Variants in AGTPBP1 observed in about 807,000 individuals in gnomAD.
The protein encoded by AGTPBP1 is cytosolic carboxypeptidase 1.
A neutral mutation model predicts 143.9 loss-of-function variants in AGTPBP1; 70 were observed. The observed-to-expected ratio is 0.49, with a 90% CI of 0.40 to 0.59. The LOEUF (loss-of-function observed/expected upper bound fraction) is 0.59, where lower values mean the gene tolerates loss of function less well. AGTPBP1 is among the 20% of genes least tolerant of loss of function. AGTPBP1 has a pLI of 0.00. For synonymous variants in AGTPBP1, 463 were observed against 500.2 expected (o/e 0.93, Z 0.99); for missense variants, 1,229 against 1,464.5 (o/e 0.84, Z 2.62).
chr9:85,677,733 T>G (rs1384429785), intron 5 of AGTPBP1, 151 bp from the exon 6 acceptor site: 1 of 672,542 alleles, frequency 1.5e-6, no homozygotes, highest in Non-Finnish European at 2.3e-6. Context: ...CTGGGCGCAG[T>G]AGCTCACGCC....
At chr9:85,559,278 T>C (rs1826544952) in intron 25 of AGTPBP1, among the ~76,000 whole-genome samples, 1 of 152,112 alleles carries the variant, frequency 6.6e-6, no homozygotes, top group Non-Finnish European at 1.5e-5. Flanking sequence ...TGACTTTTGT[T>C]TGGCAATTAC....
rs1554733099 is a variant in AGTPBP1, at chr9:85,710,699, C to CAACA, written c.32+1802_32+1803insTGTT. On this transcript the variant is annotated intron_variant, in intron 2 of 25. Transcript: ENST00000357081. ...CCTACAACAACAACAACAACAACAACAAAAAAAACAAATATCCAATAAAAT... is the reference window on the plus strand; with the variant it reads ...CCTACAACAACAACAACAACAACAACAACAAAAAAAAACAAATATCCAATAAAAT... Among the ~76,000 whole-genome samples the CAACA allele has an allele frequency of 3.9e-3, 577 of 146,606 alleles. 6 individuals are homozygous for CAACA. The highest frequency in any genetic ancestry group is 0.014 in the African/African-American group (551 of 40,678).
In AGTPBP1 at chr9:85,647,264, C is replaced by G. The variant is rs199768501; in HGVS notation, c.1088-846G>C. The stretch of plus-strand genomic sequence containing the variant: ...TGCACTCCAGCCTGGGCAACAAGAG[C>G]AAAATTCTGTCTCAAAAAAAAAGAA... On this transcript the variant is annotated intron_variant, in intron 11 of 25. Coordinates refer to ENST00000357081, the MANE Select transcript of AGTPBP1 (RefSeq NM_001330701.2). Among the ~76,000 whole-genome samples, 5 of 151,942 alleles carry G rather than the reference C, an allele frequency of 3.3e-5. No individual in the cohort carries two copies. The East Asian group carries it at 9.7e-4, about 29-fold the overall frequency.
chr9:85,794,684 G>A, the AGTPBP1 span, among the ~76,000 whole-genome samples: 11 of 152,100 alleles, frequency 7.2e-5, no homozygotes, highest in Non-Finnish European at 1.3e-4. Flanking sequence ...CTACAAAGAG[G>A]GAGATGGAAT....
chr9:85,695,727 CA>C (rs1836184647), intron 2 of AGTPBP1, among the ~76,000 whole-genome samples: 1 of 152,130 alleles, frequency 6.6e-6, no homozygotes, highest in South Asian at 2.1e-4. Context: ...GTCTGAATGA[CA>C]AGCTAAACTA....
chr9:85,700,940 C>A (rs1836602453), intron 2 of AGTPBP1, among the ~76,000 whole-genome samples: 2 of 151,594 alleles, frequency 1.3e-5, no homozygotes, highest in African/African-American at 4.9e-5. Context: ...TTTTTTGAGA[C>A]AGGGTCTTGT....
At position 85,721,797 on chromosome 9, in the gene AGTPBP1, A is replaced by G. The variant is rs1838142403; in HGVS notation, c.-33-9231T>C. Among the ~76,000 whole-genome samples, 5 of 152,270 alleles carry G rather than the reference A, an allele frequency of 3.3e-5. No individual in the cohort carries two copies. The South Asian group carries it at 1.0e-3, about 32-fold the overall frequency. ...TCTTTACAATTTGGCATGTTTTTGC[A>G]GTGGCTGGTACCAGTTGTTCCTTTC... On this transcript the variant is annotated intron_variant, in intron 1 of 25. Transcript: ENST00000357081.
the AGTPBP1 span, among the ~76,000 whole-genome samples, chr9:85,752,233 T>A: frequency 6.6e-6 from 1 of 151,652 alleles, no homozygotes; most frequent in African/African-American, 2.4e-5. Context: ...TGAGACTTTG[T>A]CTAGAAAAAA....
the AGTPBP1 span, among the ~76,000 whole-genome samples, chr9:85,798,362 CTTTTT>C: frequency 8.4e-6 from 1 of 119,268 alleles, no homozygotes; most frequent in Non-Finnish European, 1.9e-5. Flanking sequence ...CCTCCAAGTT[CTTTTT>C]TTTTTTTTTT....
intron 1 of AGTPBP1, among the ~76,000 whole-genome samples, chr9:85,717,565 C>T (rs1243028125): frequency 6.6e-6 from 1 of 152,062 alleles, no homozygotes; most frequent in African/African-American, 2.4e-5. Context: ...CGTGTGCCTC[C>T]CAAAATCCTT....
chr9:85,779,983 A>T, the AGTPBP1 span, among the ~76,000 whole-genome samples: 1 of 152,346 alleles, frequency 6.6e-6, no homozygotes, highest in East Asian at 1.9e-4. Context: ...TATATGACAT[A>T]CTTTATGGGG....
chr9:85,719,693 C>T (rs1254985567), intron 1 of AGTPBP1, among the ~76,000 whole-genome samples: 8 of 152,200 alleles, frequency 5.3e-5, no homozygotes, highest in Admixed American at 3.9e-4. Flanking sequence ...ACTTTCAACA[C>T]TATGTTGAAT....
At chr9:85,642,759 C>T (rs1185857036) in intron 13 of AGTPBP1, 68 bp downstream of exon 13, 16 of 1,202,200 alleles carry the variant, frequency 1.3e-5, no homozygotes, top group Non-Finnish European at 1.8e-5. Context: ...CAGTGATTAT[C>T]GACCTAAGGG....
At chr9:85,674,785 A>G (rs937001268) in intron 6 of AGTPBP1, among the ~76,000 whole-genome samples, 1 of 152,242 alleles carries the variant, frequency 6.6e-6, no homozygotes, top group African/African-American at 2.4e-5. Flanking sequence ...AGAAATACGT[A>G]TGTTAATAAA....
At chr9:85,696,692 A>G (rs1384209744) in intron 2 of AGTPBP1, among the ~76,000 whole-genome samples, 3 of 152,090 alleles carry the variant, frequency 2.0e-5, no homozygotes, top group Non-Finnish European at 4.4e-5. Context: ...ATCAATCCAC[A>G]TTTATAAGAT....
intron 1 of AGTPBP1, among the ~76,000 whole-genome samples, chr9:85,715,583 G>A (rs1323087564): frequency 1.3e-5 from 2 of 152,170 alleles, no homozygotes; most frequent in African/African-American, 2.4e-5. Flanking sequence ...TAAAGGAACA[G>A]ACAACCTCAA....
chr9:85,613,168 A>T (rs1196191758), intron 17 of AGTPBP1, among the ~76,000 whole-genome samples: 4 of 151,390 alleles, frequency 2.6e-5, no homozygotes, highest in African/African-American at 9.7e-5. Flanking sequence ...AAAAATAACA[A>T]GGAGATCTTA....
chr9:85,753,538 G>C, the AGTPBP1 span: 1 of 1,346,228 alleles, frequency 7.4e-7, no homozygotes, highest in Non-Finnish European at 1.0e-6. Context: ...TGGATCACCT[G>C]CGGTCAGGAG....
chr9:85,770,062 TG>T, the AGTPBP1 span, among the ~76,000 whole-genome samples: 2 of 45,582 alleles, frequency 4.4e-5, no homozygotes, highest in East Asian at 5.4e-4. Flanking sequence ...GTTAATCTGT[TG>T]TGTGTGTGTG....
Sources: gnomAD v4.1 joint callset for allele counts (sites outside exome capture counted in the v4.1 genomes callset) on GRCh38, gnomAD v4.1.1 for gene constraint, MANE v1.5 for transcripts, NCBI Gene and HGNC (gene_info 2026-07-23, HGNC 2026-07-21) for gene names.